The following PCDH9 variants were observed in gnomAD, a reference collection of about 807,000 sequenced individuals.
The protein encoded by PCDH9 is protocadherin 9.
Under a neutral mutation model 70.6 loss-of-function variants are expected in PCDH9, and 24 were observed. The observed-to-expected ratio is 0.34, with a 90% CI of 0.25 to 0.48. The LOEUF (loss-of-function observed/expected upper bound fraction) is 0.48. PCDH9 is among the 20% of genes least tolerant of loss of function. PCDH9 has a pLI of 0.99. For synonymous variants in PCDH9, 562 were observed against 558.5 expected (o/e 1.01, Z -0.09); for missense variants, 1,281 against 1,503.6 (o/e 0.85, Z 2.45).
At chr13:66,901,885 C>A (rs1206075166) in intron 3 of PCDH9, among the ~76,000 whole-genome samples, 1 of 151,572 alleles carries the variant, frequency 6.6e-6, no homozygotes, top group Non-Finnish European at 1.5e-5. Flanking sequence ...ATGGTTAAGT[C>A]AATAAACACA....
intron 3 of PCDH9, among the ~76,000 whole-genome samples, chr13:66,696,536 C>T (rs183012156): frequency 2.4e-4 from 36 of 152,284 alleles, no homozygotes; most frequent in Admixed American, 2.2e-3. Context: ...GGGTCCTCTA[C>T]ATGATATATC....
intron 3 of PCDH9, among the ~76,000 whole-genome samples, chr13:66,732,203 G>T (rs79371581): frequency 2.0e-5 from 3 of 151,980 alleles, no homozygotes; most frequent in Middle Eastern, 3.4e-3. Flanking sequence ...TGTGTAAGAT[G>T]TGTCAGGATC....
intron 2 of PCDH9, among the ~76,000 whole-genome samples, chr13:66,927,039 A>G (rs769705762): frequency 1.3e-5 from 2 of 152,096 alleles, no homozygotes; most frequent in Admixed American, 1.3e-4. Flanking sequence ...CAAGGAAAAT[A>G]GTAAAGTCTT....
At chr13:66,364,792 A>G (rs1462169679) in intron 4 of PCDH9, among the ~76,000 whole-genome samples, 1 of 152,200 alleles carries the variant, frequency 6.6e-6, no homozygotes, top group Non-Finnish European at 1.5e-5. Context: ...TGAGGTGCAG[A>G]CTGATTTTCT....
chr13:66,678,947 A>G, intron 3 of PCDH9, among the ~76,000 whole-genome samples: 1 of 151,134 alleles, frequency 6.6e-6, no homozygotes, highest in Admixed American at 6.6e-5. Flanking sequence ...GACTGGATGT[A>G]TATATATATA....
chr13:67,160,744 T>A (rs903114810), intron 2 of PCDH9, among the ~76,000 whole-genome samples: 5 of 152,188 alleles, frequency 3.3e-5, no homozygotes, highest in Non-Finnish European at 5.9e-5. Context: ...TCATCCCTCT[T>A]AAGAAAAGTT....
At chr13:66,971,918 CATATGGAAGGATA>C (rs1160482623) in intron 2 of PCDH9, among the ~76,000 whole-genome samples, 1 of 151,696 alleles carries the variant, frequency 6.6e-6, no homozygotes, top group African/African-American at 2.4e-5. Context: ...AAAGGTGTAC[CATATGGAAGGATA>C]ATATTCGATC....
At chr13:66,643,875 G>A (rs2077738325) in intron 3 of PCDH9, among the ~76,000 whole-genome samples, 1 of 151,922 alleles carries the variant, frequency 6.6e-6, no homozygotes, top group South Asian at 2.1e-4. Flanking sequence ...TCTAATTTTT[G>A]TCTAGGGCAG....
chr13:67,221,621 T>A (rs2089726771), intron 2 of PCDH9: 1 of 152,144 alleles, frequency 6.6e-6, no homozygotes. Context: ...ACTGTTTTAC[T>A]ACTTGAAGAA....
chr13:66,686,217 G>A (rs2078399590), intron 3 of PCDH9, among the ~76,000 whole-genome samples: 1 of 152,074 alleles, frequency 6.6e-6, no homozygotes, highest in African/African-American at 2.4e-5. Context: ...AATGGAGTTG[G>A]TTACATCCAT....
At chr13:66,854,784 T>C (rs1392068592) in intron 3 of PCDH9, among the ~76,000 whole-genome samples, 2 of 152,154 alleles carry the variant, frequency 1.3e-5, no homozygotes, top group Non-Finnish European at 2.9e-5. Context: ...GAACGAGTTA[T>C]ATTGTTGTTG....
At chr13:66,993,720 T>A (rs1377339129) in intron 2 of PCDH9, among the ~76,000 whole-genome samples, 3 of 152,228 alleles carry the variant, frequency 2.0e-5, no homozygotes, top group Non-Finnish European at 4.4e-5. Flanking sequence ...AATCCTGATT[T>A]AGAAAATCAT....
rs889286259 is a variant in PCDH9 at position 67,165,437 on chromosome 13, G to T, written c.3036+59968C>A. ...AATAATAATAGTGAATATTTTATGG[G>T]TGCATAATGTACTATTCTGCGATTA... is the stretch of plus-strand genomic sequence containing the variant. On this transcript the variant is annotated intron_variant, in intron 2 of 4. Transcript: ENST00000377865. Among the ~76,000 whole-genome samples the T allele has an allele frequency of 2.6e-5, 4 of 152,060 alleles. 1 individual carries two copies. The highest frequency in any genetic ancestry group is 2.6e-4 in the Admixed American group (4 of 15,274).
chr13:66,947,312 T>A (rs2083104315), intron 2 of PCDH9, among the ~76,000 whole-genome samples: 1 of 152,180 alleles, frequency 6.6e-6, no homozygotes, highest in Non-Finnish European at 1.5e-5. Flanking sequence ...TTATTACCCC[T>A]CTTTTACAGT....
At chr13:66,992,826 T>C (rs970908055) in intron 2 of PCDH9, among the ~76,000 whole-genome samples, 9 of 151,892 alleles carry the variant, frequency 5.9e-5, no homozygotes, top group Admixed American at 5.3e-4. Context: ...TATCATATTG[T>C]CTATCAGTTG....
At chr13:66,636,072 A>C (rs2077632799) in intron 3 of PCDH9, among the ~76,000 whole-genome samples, 1 of 152,146 alleles carries the variant, frequency 6.6e-6, no homozygotes, top group Non-Finnish European at 1.5e-5. Flanking sequence ...CATTTTTGTT[A>C]ATGTGTATGT....
intron 3 of PCDH9, among the ~76,000 whole-genome samples, chr13:66,802,161 T>A (rs916222132): frequency 5.3e-5 from 8 of 152,002 alleles, no homozygotes; most frequent in Admixed American, 5.2e-4. Flanking sequence ...TTTGTTTTAG[T>A]CTGCCCTTAA....
At chr13:66,459,200 T>A (rs955758431) in intron 4 of PCDH9, among the ~76,000 whole-genome samples, 1 of 151,984 alleles carries the variant, frequency 6.6e-6, no homozygotes, top group African/African-American at 2.4e-5. Flanking sequence ...GTGGAGAGGT[T>A]GACCCAGAGG....
chr13:67,131,896 C>T (rs1345755137), intron 2 of PCDH9, among the ~76,000 whole-genome samples: 1 of 152,102 alleles, frequency 6.6e-6, no homozygotes, highest in East Asian at 1.9e-4. Flanking sequence ...CCTGCATATC[C>T]CATCCTTGTT....
Sources: allele counts gnomAD v4.1 joint callset (sites outside exome capture counted in the v4.1 genomes callset), GRCh38; gene constraint gnomAD v4.1.1; transcripts MANE v1.5; gene names NCBI Gene and HGNC (gene_info 2026-07-23, HGNC 2026-07-21).